Variants in LIPI observed in about 807,000 individuals in gnomAD.
LIPI encodes lipase I, also known as lipase member I.
LIPI carries 59 observed loss-of-function variants against 50.6 expected under a neutral mutation model. That is an observed-to-expected ratio of 1.16 (90% CI 0.94 to 1.45). The LOEUF is 1.45. LIPI is among the 40% of genes most tolerant of loss of function. The pLI is 0.00. For synonymous variants in LIPI, 203 were observed against 178.2 expected (o/e 1.14, Z -1.11); for missense variants, 586 against 536.3 (o/e 1.09, Z -0.92).
At chr21:14,143,508 G>A (rs2017789849) in intron 9 of LIPI, 1 of 151,916 alleles carries the variant, frequency 6.6e-6, no homozygotes, top group African/African-American at 2.4e-5. Context: ...ACTCTCCACA[G>A]GTTCTTGTGT....
At chr21:14,125,799 C>T (rs890719196) in intron 9 of LIPI, among the ~76,000 whole-genome samples, 2 of 152,126 alleles carry the variant, frequency 1.3e-5, no homozygotes, top group African/African-American at 4.8e-5. Context: ...TCGTGATCCG[C>T]CCGCCTCCGC....
intron 4 of LIPI, among the ~76,000 whole-genome samples, chr21:14,167,244 G>T (rs1343357942): frequency 6.6e-6 from 1 of 152,212 alleles, no homozygotes; most frequent in Non-Finnish European, 1.5e-5. Context: ...CACAGCTCAA[G>T]GAGGCCTGCC....
Position 14,167,471 on chromosome 21 carries a change from G to A in LIPI, c.644-1020C>T, listed in dbSNP as rs542973801. Among the ~76,000 whole-genome samples the A allele has an allele frequency of 2.0e-5, 3 of 152,256 alleles. No individual in the cohort carries two copies. In the East Asian group the frequency reaches 5.8e-4, roughly 29 times the overall value. ...CTAACTGGGAGGCACCCCCCAGTAG[G>A]GGCAGACAGACACCTCACACAGCCG... On this transcript the variant is annotated intron_variant, in intron 4 of 9. Transcript: ENST00000681601.
intron 9 of LIPI, among the ~76,000 whole-genome samples, chr21:14,130,964 G>A (rs750675058): frequency 6.6e-6 from 1 of 151,968 alleles, no homozygotes; most frequent in Admixed American, 6.6e-5. Flanking sequence ...GTTTTGTTTC[G>A]TTTTGAGACG....
chr21:14,141,541 T>C (rs1486802514), intron 9 of LIPI, among the ~76,000 whole-genome samples: 1 of 152,306 alleles, frequency 6.6e-6, no homozygotes, highest in Admixed American at 6.5e-5. Flanking sequence ...TTTCCTGTTA[T>C]AAATCTTTTA....
chr21:14,122,947 A>T (rs1175175497), intron 9 of LIPI, among the ~76,000 whole-genome samples: 1 of 152,236 alleles, frequency 6.6e-6, no homozygotes, highest in African/African-American at 2.4e-5. Context: ...CCAAAAGTTC[A>T]GATTCCACCA....
At chr21:14,172,764 C>T (rs1404215988) in intron 4 of LIPI, among the ~76,000 whole-genome samples, 1 of 151,658 alleles carries the variant, frequency 6.6e-6, no homozygotes, top group Non-Finnish European at 1.5e-5. Context: ...ATACCTAATG[C>T]TAAATGACGA....
In LIPI at chr21:14,154,714, A is replaced by G. The variant is rs140162486; in HGVS notation, c.1007-2030T>C. On this transcript the variant is annotated intron_variant, in intron 7 of 9. Coordinates refer to ENST00000681601, the MANE Select transcript of LIPI (RefSeq NM_001302998.2). ...TGAAGCAAGATCCATATTCATGTAT[A>G]AATGCATAAAAAGCAAAAAAATAAG... is the stretch of plus-strand genomic sequence containing the variant. Among the ~76,000 whole-genome samples the G allele has an allele frequency of 1.1e-3, 168 of 152,236 alleles. 1 individual carries two copies. Among genetic ancestry groups the G allele is most frequent in the Non-Finnish European group, 1.9e-3 (131 of 67,966 alleles).
At chr21:14,203,142 T>A (rs1183930802) in intron 1 of LIPI, among the ~76,000 whole-genome samples, 1 of 152,158 alleles carries the variant, frequency 6.6e-6, no homozygotes, top group Non-Finnish European at 1.5e-5. Flanking sequence ...AGATACTATC[T>A]CACACCAGCT....
At chr21:14,141,968 C>A (rs932853162) in intron 9 of LIPI, among the ~76,000 whole-genome samples, 3 of 152,172 alleles carry the variant, frequency 2.0e-5, no homozygotes, top group Non-Finnish European at 2.9e-5. Flanking sequence ...AAAGCATGCA[C>A]TACAACTTCT....
chr21:14,125,268 C>G (rs1257329981), intron 9 of LIPI, among the ~76,000 whole-genome samples: 2 of 152,048 alleles, frequency 1.3e-5, no homozygotes, highest in African/African-American at 4.8e-5. Context: ...AATAGAACAG[C>G]ACAAAACCTG....
At chr21:14,179,473 A>G (rs1273777147) in intron 4 of LIPI, among the ~76,000 whole-genome samples, 1 of 152,178 alleles carries the variant, frequency 6.6e-6, no homozygotes, top group African/African-American at 2.4e-5. Context: ...TGTTGCAAAT[A>G]TAAGACAATC....
At chr21:14,171,936 A>G (rs1242308617) in intron 4 of LIPI, among the ~76,000 whole-genome samples, 2 of 150,358 alleles carry the variant, frequency 1.3e-5, no homozygotes, top group African/African-American at 4.9e-5. Flanking sequence ...GGCAACCTAC[A>G]AAATGGGAGA....
At chr21:14,117,409 G>A (rs1160949375) in intron 9 of LIPI, among the ~76,000 whole-genome samples, 3 of 152,314 alleles carry the variant, frequency 2.0e-5, no homozygotes, top group African/African-American at 7.2e-5. Flanking sequence ...TCAGTGGCTA[G>A]AAAGCAACAC....
intron 9 of LIPI, among the ~76,000 whole-genome samples, chr21:14,123,562 A>C (rs569034262): frequency 1.3e-5 from 2 of 152,318 alleles, no homozygotes; most frequent in African/African-American, 4.8e-5. Context: ...CAGAAGAAAC[A>C]TCTTTACTCA....
At chr21:14,148,054 T>C (rs1185040942) in intron 8 of LIPI, among the ~76,000 whole-genome samples, 1 of 152,192 alleles carries the variant, frequency 6.6e-6, no homozygotes, top group East Asian at 1.9e-4. Flanking sequence ...CATATTAATA[T>C]ATCTGGTCCA....
chr21:14,184,129 T>A (rs1250408232), intron 3 of LIPI, among the ~76,000 whole-genome samples: 2 of 152,146 alleles, frequency 1.3e-5, no homozygotes, highest in Non-Finnish European at 2.9e-5. Context: ...ATACACAGCA[T>A]GGAATACTAT....
chr21:14,130,786 G>C (rs374869900), intron 9 of LIPI, among the ~76,000 whole-genome samples: 3 of 147,690 alleles, frequency 2.0e-5, no homozygotes, highest in East Asian at 4.1e-4. Context: ...GTGGGACTGA[G>C]GTCTAGCCTG....
At chr21:14,172,708 G>T (rs2018959557) in intron 4 of LIPI, among the ~76,000 whole-genome samples, 1 of 150,812 alleles carries the variant, frequency 6.6e-6, no homozygotes, top group Non-Finnish European at 1.5e-5. Context: ...ACACTCTGGG[G>T]ACTGTTGTGG....
Sources: gnomAD v4.1 joint callset for allele counts (sites outside exome capture counted in the v4.1 genomes callset) on GRCh38, gnomAD v4.1.1 for gene constraint, MANE v1.5 for transcripts, NCBI Gene and HGNC (gene_info 2026-07-23, HGNC 2026-07-21) for gene names.